The following SLC9B1 variants were observed in gnomAD, a reference collection of about 807,000 sequenced individuals.
SLC9B1 encodes solute carrier family 9 member B1, also known as sodium/hydrogen exchanger 9B1.
Under a neutral mutation model 51.7 loss-of-function variants are expected in SLC9B1, and 32 were observed. The observed-to-expected ratio is 0.62, with a 90% confidence interval of 0.47 to 0.83. The LOEUF is 0.83. Ranked by LOEUF, SLC9B1 falls within the 40% of genes least tolerant of loss-of-function variation. SLC9B1 has a pLI of 0.00. For missense variants in SLC9B1, 406 were observed against 613.2 expected, an observed-to-expected ratio of 0.66 and a Z score of 3.57; for synonymous variants, 145 against 212.7, an observed-to-expected ratio of 0.68 and a Z score of 2.77.
intron 3 of SLC9B1, among the ~76,000 whole-genome samples, chr4:102,950,998 GAAAAC>G (rs551880136): frequency 1.3e-5 from 2 of 151,790 alleles, no homozygotes; most frequent in South Asian, 2.1e-4. Context: ...TCCATCTCAA[GAAAAC>G]AAAACAAAAC....
At chr4:102,906,081 G>A (rs1185637396) in intron 10 of SLC9B1, among the ~76,000 whole-genome samples, 2 of 152,042 alleles carry the variant, frequency 1.3e-5, no homozygotes, top group Non-Finnish European at 2.9e-5. Flanking sequence ...GATTACAGAC[G>A]CGCACTACCA....
intron 3 of SLC9B1, among the ~76,000 whole-genome samples, chr4:102,963,897 C>G (rs1053616338): frequency 2.7e-4 from 41 of 152,056 alleles, no homozygotes; most frequent in African/African-American, 9.6e-4. Flanking sequence ...TCTTAAGACT[C>G]TAGAAAAAGA....
At chr4:102,924,393 T>C (rs766673458) in intron 7 of SLC9B1, among the ~76,000 whole-genome samples, 6 of 152,174 alleles carry the variant, frequency 3.9e-5, no homozygotes, top group Non-Finnish European at 2.9e-5. Flanking sequence ...TTACACTTTA[T>C]ATAAAAATTA....
At chr4:102,927,323 A>G (rs1339642454) in intron 7 of SLC9B1, among the ~76,000 whole-genome samples, 2 of 152,086 alleles carry the variant, frequency 1.3e-5, no homozygotes, top group Admixed American at 1.3e-4. Flanking sequence ...CAACCTACAG[A>G]ATGGGAGACA....
chr4:102,885,469 T>G (rs1394596310), intron 11 of SLC9B1: 2 of 1,520,820 alleles, frequency 1.3e-6, no homozygotes, highest in Non-Finnish European at 1.8e-6. Context: ...AATTTTGCAG[T>G]GCTAGGATTG....
At chr4:102,904,530 C>T (rs2110424829) in intron 11 of SLC9B1, among the ~76,000 whole-genome samples, 1 of 152,142 alleles carries the variant, frequency 6.6e-6, no homozygotes, top group East Asian at 1.9e-4. Flanking sequence ...AAAAGAATTG[C>T]TTTTAAAACT....
At position 102,923,407 on chromosome 4, in the gene SLC9B1, G is replaced by A. The variant is rs371565889; in HGVS notation, c.829+8717C>T. Among the ~76,000 whole-genome samples the A allele has an allele frequency of 8.3e-4, 123 of 148,578 alleles. No individual in the cohort carries two copies. In the East Asian group the frequency reaches 0.013, roughly 16 times the overall value. ...TCAATAAACTAGGTATTGATGGGAC[G>A]TATCTTAAAATAATAAGAGCTATTT... On this transcript the variant is annotated intron_variant, in intron 7 of 11. Transcript: ENST00000296422.
At chr4:102,913,786 A>G (rs1735454425) in intron 7 of SLC9B1, among the ~76,000 whole-genome samples, 1 of 143,396 alleles carries the variant, frequency 7.0e-6, no homozygotes, top group Non-Finnish European at 1.5e-5. Context: ...ATTAACAAAG[A>G]GATAGAAACT....
At chr4:103,012,598 G>A (rs1396880226) in intron 1 of SLC9B1, among the ~76,000 whole-genome samples, 1 of 152,122 alleles carries the variant, frequency 6.6e-6, no homozygotes, top group Non-Finnish European at 1.5e-5. Flanking sequence ...ATTTGTTATA[G>A]GAACACTCCA....
chr4:102,920,213 G>A (rs1169557521), intron 7 of SLC9B1, among the ~76,000 whole-genome samples: 8 of 152,106 alleles, frequency 5.3e-5, no homozygotes, highest in African/African-American at 9.7e-5. Flanking sequence ...AGGAAGGATC[G>A]GGCAGCAATA....
chr4:102,914,629 A>G (rs1437142802), intron 7 of SLC9B1, among the ~76,000 whole-genome samples: 2 of 152,212 alleles, frequency 1.3e-5, no homozygotes, highest in African/African-American at 2.4e-5. Flanking sequence ...GGCAGTTTCA[A>G]TAACATCAAG....
intron 7 of SLC9B1, 37 bp from the exon 8 acceptor site, chr4:102,911,574 A>T (rs757253780): frequency 1.8e-5 from 24 of 1,368,204 alleles, no homozygotes; most frequent in Non-Finnish European, 2.4e-5. Context: ...TTCACAAAGA[A>T]GTATCTTCAC....
intron 3 of SLC9B1, among the ~76,000 whole-genome samples, chr4:102,984,546 T>C (rs1047892716): frequency 2.0e-5 from 3 of 152,332 alleles, no homozygotes; most frequent in East Asian, 1.9e-4. Flanking sequence ...TTAAAATTCA[T>C]TGTGGTCTGA....
rs1431193812 is a variant in SLC9B1 at position 103,013,037 on chromosome 4, C to T, written c.-2+6562G>A. Among the ~76,000 whole-genome samples, 3 of 152,142 alleles carry T rather than the reference C, an allele frequency of 2.0e-5. No individual in the cohort carries two copies. In the East Asian group the frequency reaches 5.8e-4, roughly 29 times the overall value. ...AGTCAAACCATAGCATAAACCATTC[C>T]AGGCATGTTTTATATTCTTTTCTTT... On this transcript the variant is annotated intron_variant, in intron 1 of 11. Coordinates refer to ENST00000296422, the MANE Select transcript of SLC9B1 (RefSeq NM_139173.4).
intron 6 of SLC9B1, among the ~76,000 whole-genome samples, chr4:102,944,055 A>C (rs1423113183): frequency 2.6e-5 from 4 of 152,162 alleles, no homozygotes; most frequent in African/African-American, 7.2e-5. Context: ...AGCCACAAGA[A>C]AGAACGAGAT....
chr4:102,981,245 C>T (rs1034158221), intron 3 of SLC9B1, among the ~76,000 whole-genome samples: 2 of 152,028 alleles, frequency 1.3e-5, no homozygotes, highest in Non-Finnish European at 2.9e-5. Flanking sequence ...ATTCACTCAC[C>T]TAATGAAAGA....
At chr4:102,983,182 G>A (rs2110511972) in intron 3 of SLC9B1, among the ~76,000 whole-genome samples, 2 of 152,168 alleles carry the variant, frequency 1.3e-5, no homozygotes, top group Middle Eastern at 6.8e-3. Flanking sequence ...TTGATGTGAT[G>A]GATTACATTA....
chr4:102,943,173 A>AC (rs1737091498), intron 6 of SLC9B1, among the ~76,000 whole-genome samples: 1 of 151,788 alleles, frequency 6.6e-6, no homozygotes, highest in Non-Finnish European at 1.5e-5. Flanking sequence ...AAATAAAAAA[A>AC]AAAAATAGAT....
At chr4:102,962,905 G>T in intron 3 of SLC9B1, 2 of 468,344 alleles carry the variant, frequency 4.3e-6, no homozygotes, top group Non-Finnish European at 8.8e-6. Context: ...GTTACAAAAG[G>T]TTCCTGCAAC....
Sources: allele counts gnomAD v4.1 joint callset (sites outside exome capture counted in the v4.1 genomes callset), GRCh38; gene constraint gnomAD v4.1.1; transcripts MANE v1.5; gene names NCBI Gene and HGNC (gene_info 2026-07-23, HGNC 2026-07-21).